Variants in RNF169 observed in about 807,000 individuals in gnomAD.
RNF169 encodes E3 ubiquitin-protein ligase RNF169.
RNF169 carries 24 observed loss-of-function variants against 53.9 expected under a neutral mutation model. That is an observed-to-expected ratio of 0.45 (90% confidence interval 0.32 to 0.63). The LOEUF is 0.63. RNF169 is among the 20% of genes least tolerant of loss of function. The pLI, the probability that RNF169 is intolerant of heterozygous loss-of-function variation, is 0.04. For synonymous variants in RNF169, 396 were observed against 363.5 expected, an observed-to-expected ratio of 1.09 and a Z score of -1.02; for missense variants, 883 against 906.2, an observed-to-expected ratio of 0.97 and a Z score of 0.33.
intron 1 of RNF169, among the ~76,000 whole-genome samples, chr11:74,774,278 T>C (rs1386134249): frequency 1.3e-4 from 20 of 150,834 alleles, no homozygotes; most frequent in Admixed American, 1.1e-3. Context: ...CCCAGGAGGT[T>C]GAGGCTGCAG....
chr11:74,798,061 G>T (rs1591412255), intron 2 of RNF169, among the ~76,000 whole-genome samples: 1 of 152,194 alleles, frequency 6.6e-6, no homozygotes, highest in Admixed American at 6.5e-5. Flanking sequence ...CGAGGAGGAT[G>T]TATGTCGCCT....
At chr11:74,822,086 T>G (rs2036020664) in intron 4 of RNF169, among the ~76,000 whole-genome samples, 1 of 151,398 alleles carries the variant, frequency 6.6e-6, no homozygotes, top group African/African-American at 2.4e-5. Flanking sequence ...GGAAGGGTCT[T>G]TCAGGCCAGA....
At chr11:74,781,437 T>C (rs2035415207) in intron 1 of RNF169, among the ~76,000 whole-genome samples, 1 of 152,214 alleles carries the variant, frequency 6.6e-6, no homozygotes, top group Non-Finnish European at 1.5e-5. Flanking sequence ...AGTACAGAAA[T>C]AGATCCATGT....
rs115654714 is a variant in RNF169, at chr11:74,762,630, G to A, written c.502+13248G>A. ...CGGAGCTGTTCCTATTCGGCCATCC[G>A]ACAATTCTTTTAAATGCATCTTTGA... On this transcript the variant is annotated intron_variant, in intron 1 of 5. Transcript: ENST00000299563. 9.0e-3 allele frequency among the ~76,000 whole-genome samples: 1,353 copies of A among 150,702 alleles called. 25 individuals carry two copies. Among genetic ancestry groups the A allele is most frequent in the African/African-American group, 0.031 (1,276 of 40,704 alleles).
intron 4 of RNF169, among the ~76,000 whole-genome samples, chr11:74,823,203 T>G (rs1452758820): frequency 6.6e-6 from 1 of 152,248 alleles, no homozygotes; most frequent in African/African-American, 2.4e-5. Context: ...AAGTACTGCT[T>G]GATCTTTTCA....
intron 1 of RNF169, among the ~76,000 whole-genome samples, chr11:74,764,610 C>T (rs150561295): frequency 1.3e-5 from 2 of 152,152 alleles, no homozygotes; most frequent in East Asian, 3.9e-4. Flanking sequence ...TTATTATAAA[C>T]CTAAAGCATA....
At chr11:74,782,592 A>G (rs944122440) in intron 1 of RNF169, among the ~76,000 whole-genome samples, 19 of 152,220 alleles carry the variant, frequency 1.2e-4, no homozygotes, top group Admixed American at 8.5e-4. Flanking sequence ...CCCTTGTGCC[A>G]GAAAGGCTGG....
chr11:74,821,851 T>G lies in RNF169; in HGVS notation c.842+4137T>G, dbSNP rs183159719. ...TTAATTGTGGTGATGGTTAAATAAC[T>G]GAATATACTAAAAACCATTACATCG... On this transcript the variant is annotated intron_variant, in intron 4 of 5. Transcript: ENST00000299563. Among the ~76,000 whole-genome samples the G allele has an allele frequency of 3.3e-5, 5 of 152,192 alleles. No homozygotes were observed. The East Asian group carries it at 9.6e-4, about 29-fold the overall frequency.
chr11:74,810,526 G>C (rs975383661), intron 3 of RNF169, among the ~76,000 whole-genome samples, 196 bp downstream of exon 3: 3 of 152,184 alleles, frequency 2.0e-5, no homozygotes, highest in Admixed American at 1.3e-4. Flanking sequence ...ATTAAGACTT[G>C]TGGGAAGATT....
rs2034846809 is a variant in RNF169, at chr11:74,749,324, C to A, written c.444C>A (p.Gly148=). The A allele has an allele frequency of 8.3e-7, 1 of 1,197,844 alleles. No homozygotes were observed. The highest frequency in any genetic ancestry group is 1.6e-5 in the African/African-American group (1 of 62,992). 74.2% of individuals were successfully genotyped at this position (1,197,844 alleles called of 1,614,324 possible). A position where few individuals can be genotyped will look rare whatever the true frequency, so the allele number is the denominator to read the frequency against. ...GCTGCCGCCCGCGCCGGGACGGGGG[C>A]GCGGCTGCCGCGGGGCCCAGGCCAG... is the stretch of plus-strand genomic sequence containing the variant. ...PERCRPRRDG[G]AAAAGPRPEQ... Residue 148 remains glycine, a synonymous_variant, in exon 1 of 6, where the codon GGC becomes GGA. Coordinates refer to ENST00000299563, the MANE Select transcript of RNF169 (RefSeq NM_001098638.2).
chr11:74,775,484 A>G (rs1414760477), intron 1 of RNF169, among the ~76,000 whole-genome samples: 1 of 151,922 alleles, frequency 6.6e-6, no homozygotes, highest in African/African-American at 2.4e-5. Context: ...GATTACTTGT[A>G]AGTTTTTAGA....
intron 1 of RNF169, among the ~76,000 whole-genome samples, chr11:74,751,525 A>G (rs1188896751): frequency 6.6e-6 from 1 of 152,224 alleles, no homozygotes; most frequent in Non-Finnish European, 1.5e-5. Flanking sequence ...CTGAATTTGA[A>G]CCATGAGAGG....
chr11:74,830,642 C>T (rs1485586327), intron 4 of RNF169: 1 of 152,002 alleles, frequency 6.6e-6, no homozygotes, highest in Non-Finnish European at 1.5e-5. Context: ...AATCCTCACA[C>T]TCTCCCAAAA....
At chr11:74,768,565 C>CA (rs771606399) in intron 1 of RNF169, among the ~76,000 whole-genome samples, 2 of 151,256 alleles carry the variant, frequency 1.3e-5, no homozygotes, top group East Asian at 1.9e-4. Flanking sequence ...TGAGATCACG[C>CA]CACTGCACTG....
intron 2 of RNF169, among the ~76,000 whole-genome samples, chr11:74,794,144 T>C (rs1042671489): frequency 1.3e-5 from 2 of 152,186 alleles, no homozygotes; most frequent in Non-Finnish European, 2.9e-5. Flanking sequence ...AGGGTTCTCT[T>C]AGTAAGGAAG....
intron 1 of RNF169, among the ~76,000 whole-genome samples, chr11:74,785,186 G>GAT (rs1475323364): frequency 3.0e-4 from 19 of 63,644 alleles, no homozygotes; most frequent in African/African-American, 1.8e-3. Context: ...ATATATATAT[G>GAT]ATATATATAT....
Position 74,748,996 on chromosome 11 carries a change from C to T in RNF169, c.116C>T (p.Pro39Leu). ...DETAAAKTGA[P>L]GPASGPSLLV... ...ACGGCGGCAGCTAAGACTGGGGCCC[C>T]AGGCCCGGCTTCTGGACCTTCGCTG... The change falls in exon 1 of 6, where the codon CCA becomes CTA. Residue 39 changes from proline (P) to leucine (L), a missense_variant. By Grantham distance (98) the Pro-to-Leu change is moderately conservative. This residue lies in a region of RNF169 where 313 missense variants were observed against 279.9 expected (regional missense o/e 1.12). Coordinates refer to ENST00000299563, the MANE Select transcript of RNF169 (RefSeq NM_001098638.2). 1 of 1,499,144 alleles carries T rather than the reference C, an allele frequency of 6.7e-7. No homozygotes were observed. The highest frequency in any genetic ancestry group is 8.9e-7 in the Non-Finnish European group (1 of 1,119,924). The allele number at this position is 1,499,144 out of a possible 1,614,324, so 92.9% of individuals were successfully genotyped here. A position where few individuals can be genotyped will look rare whatever the true frequency, so the allele number is the denominator to read the frequency against.
chr11:74,771,350 A>C (rs1274887664), intron 1 of RNF169, among the ~76,000 whole-genome samples: 2 of 152,226 alleles, frequency 1.3e-5, no homozygotes, highest in African/African-American at 2.4e-5. Context: ...ATGACATGAC[A>C]AGTGGAAAAT....
intron 4 of RNF169, among the ~76,000 whole-genome samples, chr11:74,822,097 G>T (rs2036020690): frequency 1.3e-5 from 2 of 151,820 alleles, no homozygotes; most frequent in Admixed American, 1.3e-4. Flanking sequence ...TCAGGCCAGA[G>T]ACTGGCAGGA....
Sources: gnomAD v4.1 joint callset for allele counts (sites outside exome capture counted in the v4.1 genomes callset) on GRCh38, gnomAD v4.1.1 for gene constraint, gnomAD v4.1.1 regional missense constraint, MANE v1.5 for transcripts, NCBI Gene and HGNC (gene_info 2026-07-23, HGNC 2026-07-21) for gene names.